CADPS: variants seen among roughly 807,000 people sequenced by gnomAD.
CADPS encodes the protein calcium dependent secretion activator.
Under a neutral mutation model 167.3 loss-of-function variants are expected in CADPS, and 57 were observed. The ratio of observed to expected loss-of-function variants is 0.34; its 90% confidence interval spans 0.28 to 0.42. The LOEUF is 0.42. CADPS is among the 20% of genes least tolerant of loss of function. The pLI is 1.00. For missense variants in CADPS, 1,414 were observed against 1,738.1 expected (o/e 0.81, Z 3.32); for synonymous variants, 676 against 635.3 (o/e 1.06, Z -0.96).
At chr3:62,485,449 A>G (rs187234185) in intron 21 of CADPS, among the ~76,000 whole-genome samples, 2 of 152,232 alleles carry the variant, frequency 1.3e-5, no homozygotes, top group Admixed American at 1.3e-4. Context: ...CCTTAGTGGA[A>G]ATTGATTTCC....
chr3:62,768,787 A>T (rs1313396129), intron 1 of CADPS, among the ~76,000 whole-genome samples: 1 of 152,236 alleles, frequency 6.6e-6, no homozygotes, highest in Admixed American at 6.5e-5. Flanking sequence ...CAGAATATAA[A>T]ACTCTCAAAG....
intron 24 of CADPS, among the ~76,000 whole-genome samples, chr3:62,468,909 T>C (rs990553854): frequency 6.6e-6 from 1 of 152,220 alleles, no homozygotes; most frequent in Non-Finnish European, 1.5e-5. Flanking sequence ...CTTGTGAATA[T>C]AGACATCATA....
intron 3 of CADPS, among the ~76,000 whole-genome samples, chr3:62,751,351 ATGAAACCC>A (rs2152401976): frequency 6.6e-6 from 1 of 152,340 alleles, no homozygotes; most frequent in Admixed American, 6.5e-5. Flanking sequence ...TTCTATTGAT[ATGAAACCC>A]TGAAACAATA....
intron 1 of CADPS, among the ~76,000 whole-genome samples, chr3:62,799,374 G>A (rs955569772): frequency 6.6e-6 from 1 of 151,982 alleles, no homozygotes; most frequent in Non-Finnish European, 1.5e-5. Context: ...GATTCAAATC[G>A]GCTCTGTCAC....
chr3:62,594,130 A>AT (rs201377678), intron 6 of CADPS, among the ~76,000 whole-genome samples: 112 of 149,866 alleles, frequency 7.5e-4, no homozygotes, highest in Non-Finnish European at 1.4e-3. Flanking sequence ...GATTTTTTTT[A>AT]TTTTTTTTAT....
At chr3:62,751,839 C>T (rs1006456640) in intron 3 of CADPS, among the ~76,000 whole-genome samples, 4 of 151,898 alleles carry the variant, frequency 2.6e-5, no homozygotes, top group Non-Finnish European at 2.9e-5. Flanking sequence ...TAAAATGAGT[C>T]GGATTAATTC....
At chr3:62,810,025 T>C (rs541709418) in intron 1 of CADPS, among the ~76,000 whole-genome samples, 15 of 152,300 alleles carry the variant, frequency 9.8e-5, no homozygotes, top group African/African-American at 3.6e-4. Context: ...CTGCATATTT[T>C]CTGAATCTAA....
intron 13 of CADPS, among the ~76,000 whole-genome samples, chr3:62,520,602 T>A (rs1264582945): frequency 6.8e-6 from 1 of 146,792 alleles, no homozygotes; most frequent in Non-Finnish European, 1.5e-5. Flanking sequence ...ACAAACTAAC[T>A]TTACTAAGTC....
rs772655370 is a variant in CADPS, at chr3:62,697,976, T to A, written c.889-35582A>T. Reference sequence around the variant, plus strand: ...TTTCTTTCTTGCTAATTTGAGTTCCTTGTAGATTCTGGATATTAGTCCTTT... The same window carrying A: ...TTTCTTTCTTGCTAATTTGAGTTCCATGTAGATTCTGGATATTAGTCCTTT... On this transcript the variant is annotated intron_variant, in intron 3 of 29. Coordinates refer to ENST00000383710, the MANE Select transcript of CADPS (RefSeq NM_003716.4). Among the ~76,000 whole-genome samples, 81 of 152,076 alleles carry A rather than the reference T, an allele frequency of 5.3e-4. 1 individual carries two copies. The highest frequency in any genetic ancestry group is 9.6e-4 in the Non-Finnish European group (65 of 68,012).
chr3:62,860,270 C>G (rs375024255), intron 1 of CADPS, among the ~76,000 whole-genome samples: 2 of 152,160 alleles, frequency 1.3e-5, no homozygotes, highest in Non-Finnish European at 2.9e-5. Flanking sequence ...TGTTCTGAAG[C>G]CTTTCAGATG....
At chr3:62,701,606 T>TAAAA (rs5849494) in intron 3 of CADPS, among the ~76,000 whole-genome samples, 40 of 130,066 alleles carry the variant, frequency 3.1e-4, no homozygotes, top group South Asian at 1.0e-3. Context: ...AGACTCAGTC[T>TAAAA]AAAAAAAAAA....
At chr3:62,570,834 T>C in intron 9 of CADPS, 38 bp downstream of exon 9, 1 of 1,338,068 alleles carries the variant, frequency 7.5e-7, no homozygotes, top group Admixed American at 1.7e-5. Context: ...AGCAAATCTT[T>C]AATACTGATG....
intron 24 of CADPS, among the ~76,000 whole-genome samples, chr3:62,468,297 C>G (rs1215318495): frequency 6.6e-6 from 1 of 152,122 alleles, no homozygotes; most frequent in Non-Finnish European, 1.5e-5. Flanking sequence ...TCTAGGTTTT[C>G]TTTGCATTGC....
intron 6 of CADPS, among the ~76,000 whole-genome samples, chr3:62,608,160 T>C (rs375956844): frequency 6.6e-6 from 1 of 152,062 alleles, no homozygotes; most frequent in Non-Finnish European, 1.5e-5. Flanking sequence ...GGGGCTATGT[T>C]AAGTTCACCA....
intron 6 of CADPS, among the ~76,000 whole-genome samples, chr3:62,604,295 T>A (rs2060388770): frequency 6.6e-6 from 1 of 152,150 alleles, no homozygotes; most frequent in Non-Finnish European, 1.5e-5. Flanking sequence ...GTCTCTCCAA[T>A]TTTGGGGGCA....
chr3:62,837,989 G>A (rs909025682), intron 1 of CADPS, among the ~76,000 whole-genome samples: 2 of 152,202 alleles, frequency 1.3e-5, no homozygotes, highest in African/African-American at 4.8e-5. Context: ...CTGACAGAGG[G>A]AACTGGCTTT....
chr3:62,598,366 C>G (rs565668903), intron 6 of CADPS, among the ~76,000 whole-genome samples: 8 of 152,184 alleles, frequency 5.3e-5, no homozygotes, highest in Non-Finnish European at 1.0e-4. Context: ...GGAATTCTGG[C>G]CTTTTTTTGT....
intron 3 of CADPS, among the ~76,000 whole-genome samples, chr3:62,722,514 TCA>T (rs1459821797): frequency 1.3e-5 from 2 of 152,210 alleles, no homozygotes; most frequent in Non-Finnish European, 2.9e-5. Flanking sequence ...AGATCCTGTG[TCA>T]CACAGGTGGA....
At chr3:62,700,742 T>C (rs1030193584) in intron 3 of CADPS, among the ~76,000 whole-genome samples, 1 of 152,132 alleles carries the variant, frequency 6.6e-6, no homozygotes, top group Non-Finnish European at 1.5e-5. Flanking sequence ...AGTTTAGGGC[T>C]GGGAAAACTG....
Sources: gnomAD v4.1 joint callset for allele counts (sites outside exome capture counted in the v4.1 genomes callset) on GRCh38, gnomAD v4.1.1 for gene constraint, MANE v1.5 for transcripts, NCBI Gene and HGNC (gene_info 2026-07-23, HGNC 2026-07-21) for gene names.